RACK1: variants seen among roughly 807,000 people sequenced by gnomAD.
RACK1 encodes small ribosomal subunit protein RACK1.
In RACK1, 3 loss-of-function variants were observed where a neutral mutation model predicts 42.2. The ratio of observed to expected loss-of-function variants is 0.07; its 90% CI spans 0.03 to 0.18. The LOEUF (loss-of-function observed/expected upper bound fraction) is 0.18, where lower values mean the gene tolerates loss of function less well. RACK1 is among the 10% of genes least tolerant of loss of function. The probability of loss-of-function intolerance (pLI) is 1.00; values close to 1 mark genes in which losing one functional copy is unlikely to be tolerated. For synonymous variants in RACK1, 181 were observed against 154.8 expected (o/e 1.17, Z -1.25); for missense variants, 146 against 403.2 (o/e 0.36, Z 5.46).
chr5:181,238,247 C>T lies in RACK1; in HGVS notation c.637-8G>A. Reference sequence around the variant, plus strand: ...TAACATGGCCTGGCCATCCTGGACACAGGTAAGGTAAATCAGGACACTGTG... The same window carrying T: ...TAACATGGCCTGGCCATCCTGGACATAGGTAAGGTAAATCAGGACACTGTG... On this transcript the variant is annotated splice_region_variant and splice_polypyrimidine_tract_variant and intron_variant, in intron 5 of 7. Coordinates refer to ENST00000512805, the MANE Select transcript of RACK1 (RefSeq NM_006098.5). 6.2e-7 allele frequency: 1 copy of T among 1,613,968 alleles called. No individual in the cohort carries two copies.
chr5:181,242,115 C>A, intron 2 of RACK1, 59 bp downstream of exon 2: 1 of 1,456,872 alleles, frequency 6.9e-7, no homozygotes, highest in South Asian at 1.2e-5. Flanking sequence ...CAATTGCATC[C>A]ACCTCACTTC....
intron 2 of RACK1, 53 bp from the exon 3 acceptor site, chr5:181,241,692 G>C (rs545899546): frequency 6.3e-7 from 1 of 1,579,992 alleles, no homozygotes; most frequent in Non-Finnish European, 8.7e-7. Context: ...CTCATTCAAC[G>C]GTCAGACTCA....
intron 5 of RACK1, chr5:181,238,765 C>T: frequency 2.6e-6 from 1 of 390,896 alleles, no homozygotes; most frequent in South Asian, 2.1e-5. Context: ...CGCCACTGCA[C>T]TCCAGCCTTG....
intron 4 of RACK1, 134 bp from the exon 5 acceptor site, chr5:181,239,311 G>A (rs1459473680): frequency 1.3e-6 from 1 of 766,624 alleles, no homozygotes; most frequent in African/African-American, 1.7e-5. Context: ...GCCACTTCAC[G>A]TTAGATTATA....
chr5:181,241,180 A>G (rs1759330276), intron 3 of RACK1: 1 of 228,874 alleles, frequency 4.4e-6, no homozygotes, highest in Non-Finnish European at 8.5e-6. Context: ...TGTAATCCCA[A>G]CACTTTGGGA....
chr5:181,238,376 A>C, intron 5 of RACK1, 137 bp from the exon 6 acceptor site: 1 of 837,482 alleles, frequency 1.2e-6, no homozygotes. Context: ...TGACTCAAGT[A>C]CCAATATTTA....
Position 181,237,062 on chromosome 5 carries a change from G to A in RACK1, c.889-20C>T, listed in dbSNP as rs966226069. ...CAGAGTCTGCAGGGAAGAAATGACA[G>A]TGACAGGTCAGGCTGGCATAAATTC... On this transcript the variant is annotated intron_variant, in intron 7 of 7. Transcript: ENST00000512805. The A allele has an allele frequency of 3.1e-6, 5 of 1,612,856 alleles. No individual in the cohort carries two copies. In the South Asian group the frequency reaches 5.5e-5, roughly 18 times the overall value.
At position 181,239,054 on chromosome 5, in the gene RACK1, T is replaced by C. The variant is rs143666944; in HGVS notation, c.636+13A>G. 2.5e-5 allele frequency: 39 copies of C among 1,552,022 alleles called. No individual in the cohort carries two copies. In the African/African-American group the frequency reaches 3.5e-4, roughly 14 times the overall value. On this transcript the variant is annotated intron_variant, in intron 5 of 7. Transcript: ENST00000512805. ...GTCTTCCACTGAGTAGGAGACGCCT[T>C]GTCCCCAAATACCTTGCCTCCAGAA...
intron 3 of RACK1, chr5:181,241,195 G>GAGAC (rs995877558): frequency 2.5e-5 from 6 of 244,496 alleles, no homozygotes; most frequent in African/African-American, 1.4e-4. Context: ...TTGGGAGGGC[G>GAGAC]AGGCAGGCAA....
rs375235657 is a variant in RACK1 at position 181,242,844 on chromosome 5, C to T, written c.110-499G>A. Reference sequence around the variant, plus strand: ...AAAGTGCTGGGATTATAGGCGTGAGCCACCGCGCCCAGCCTGTATCCTGAG... The same window carrying T: ...AAAGTGCTGGGATTATAGGCGTGAGTCACCGCGCCCAGCCTGTATCCTGAG... On this transcript the variant is annotated intron_variant, in intron 1 of 7. Transcript: ENST00000512805. 66 of 328,336 alleles carry T rather than the reference C, an allele frequency of 2.0e-4. No homozygotes were observed. The East Asian group carries it at 3.0e-3, about 15-fold the overall frequency. 20.3% of individuals were successfully genotyped at this position (328,336 alleles called of 1,614,324 possible).
chr5:181,239,986 A>C, intron 3 of RACK1, among the ~76,000 whole-genome samples: 1 of 152,190 alleles, frequency 6.6e-6, no homozygotes, highest in East Asian at 1.9e-4. Context: ...CGAAGGGTGC[A>C]ATGAGCCAAG....
intron 2 of RACK1, 76 bp downstream of exon 2, chr5:181,242,098 A>T (rs990438592): frequency 4.5e-6 from 6 of 1,332,986 alleles, no homozygotes; most frequent in Non-Finnish European, 6.3e-6. Context: ...TCCCCTGGGA[A>T]ACCAGCCAAT....
At chr5:181,237,083 A>T in intron 7 of RACK1, 41 bp from the exon 8 acceptor site, 3 of 1,611,044 alleles carry the variant, frequency 1.9e-6, no homozygotes, top group South Asian at 2.2e-5. Context: ...GGCTGGCATA[A>T]ATTCTGCAGT....
rs563295395 is a variant in RACK1 at position 181,242,771 on chromosome 5, C to G, written c.110-426G>C. On this transcript the variant is annotated intron_variant, in intron 1 of 7. Transcript: ENST00000512805. ...AGATGCGGTTTCACCATTGGCCAGG[C>G]TAGTCTCTAACTCCTGATCTCAAGT... is the stretch of plus-strand genomic sequence containing the variant. The G allele has an allele frequency of 2.0e-5, 7 of 348,328 alleles. 1 individual carries two copies. Among genetic ancestry groups the G allele is most frequent in the African/African-American group, 8.6e-5 (4 of 46,484 alleles). 21.6% of individuals were successfully genotyped at this position (348,328 alleles called of 1,614,324 possible).
chr5:181,237,800 T>A, intron 6 of RACK1, 81 bp from the exon 7 acceptor site: 1 of 857,974 alleles, frequency 1.2e-6, no homozygotes, highest in Non-Finnish European at 2.0e-6. Context: ...ATTCTCAAGT[T>A]AAAAAGGGAT....
At chr5:181,242,389 G>A in intron 1 of RACK1, 44 bp from the exon 2 acceptor site, 4 of 1,386,406 alleles carry the variant, frequency 2.9e-6, no homozygotes, top group Non-Finnish European at 3.1e-6. Context: ...GGAACCCGCA[G>A]CCCGTTTAAC....
At chr5:181,242,902 C>CT (rs1561681568) in intron 1 of RACK1, 1 of 331,106 alleles carries the variant, frequency 3.0e-6, no homozygotes, top group Non-Finnish European at 5.9e-6. Flanking sequence ...TACAGACACC[C>CT]TTTCCTGAAA....
intron 1 of RACK1, chr5:181,242,562 C>CTTTT: frequency 1.7e-6 from 1 of 595,300 alleles, no homozygotes; most frequent in Non-Finnish European, 3.1e-6. Context: ...ACCCTGATAA[C>CTTTT]TTTTTTTTTT....
At position 181,243,895 on chromosome 5, in the gene RACK1, A is replaced by G; in HGVS notation, c.-95T>C. ...ACAACCTCTCCTGCCGCCGCCTTGCAGTGAAAGAGAGAGAGAAAAGCCCCC... is the reference window on the plus strand; with the variant it reads ...ACAACCTCTCCTGCCGCCGCCTTGCGGTGAAAGAGAGAGAGAAAAGCCCCC... On this transcript the variant is annotated 5_prime_UTR_variant, in exon 1 of 8. Transcript: ENST00000512805. The G allele has an allele frequency of 6.9e-7, 1 of 1,456,234 alleles. No individual in the cohort carries two copies. Among genetic ancestry groups the G allele is most frequent in the Non-Finnish European group, 9.1e-7 (1 of 1,103,650 alleles). The allele number at this position is 1,456,234 out of a possible 1,614,324, so 90.2% of individuals were successfully genotyped here. A position where few individuals can be genotyped will look rare whatever the true frequency, so the allele number is the denominator to read the frequency against.
Sources: allele counts gnomAD v4.1 joint callset (sites outside exome capture counted in the v4.1 genomes callset), GRCh38; gene constraint gnomAD v4.1.1; transcripts MANE v1.5; gene names NCBI Gene and HGNC (gene_info 2026-07-23, HGNC 2026-07-21).